OXCT1: variants seen among roughly 807,000 people sequenced by gnomAD.
The protein encoded by OXCT1 is 3-oxoacid CoA-transferase 1.
In OXCT1, 27 loss-of-function variants were observed where a neutral mutation model predicts 69.6. That is an observed-to-expected ratio of 0.39 (90% CI 0.29 to 0.54). The LOEUF (loss-of-function observed/expected upper bound fraction) is 0.54, where lower values mean the gene tolerates loss of function less well. OXCT1 is among the 20% of genes least tolerant of loss of function. The probability of loss-of-function intolerance (pLI) is 0.72; values close to 1 mark genes in which losing one functional copy is unlikely to be tolerated. For synonymous variants in OXCT1, 202 were observed against 217.8 expected (o/e 0.93, Z 0.64); for missense variants, 437 against 650.2 (o/e 0.67, Z 3.57).
intron 15 of OXCT1, among the ~76,000 whole-genome samples, chr5:41,745,863 C>A (rs1319487971): frequency 6.6e-6 from 1 of 152,128 alleles, no homozygotes; most frequent in Non-Finnish European, 1.5e-5. Context: ...GAAGTTGAAT[C>A]TCTGAATAGA....
At chr5:41,868,458 T>C (rs1253816000) in intron 1 of OXCT1, among the ~76,000 whole-genome samples, 1 of 152,174 alleles carries the variant, frequency 6.6e-6, no homozygotes, top group Non-Finnish European at 1.5e-5. Context: ...TGCTAAACAA[T>C]AAGGGCTGTA....
intron 7 of OXCT1, among the ~76,000 whole-genome samples, chr5:41,814,200 T>G (rs1177286950): frequency 6.6e-6 from 1 of 151,906 alleles, no homozygotes; most frequent in Non-Finnish European, 1.5e-5. Flanking sequence ...CCAGAAAGAA[T>G]AGCTAATTCA....
At chr5:41,848,523 A>C (rs1377995106) in intron 5 of OXCT1, among the ~76,000 whole-genome samples, 1 of 145,296 alleles carries the variant, frequency 6.9e-6, no homozygotes, top group Admixed American at 6.9e-5. Context: ...ACACTACCTG[A>C]CTTCAAACTA....
At chr5:41,844,754 C>T (rs1184286829) in intron 5 of OXCT1, among the ~76,000 whole-genome samples, 1 of 151,906 alleles carries the variant, frequency 6.6e-6, no homozygotes. Context: ...GTATGCTTGA[C>T]TCCTCTTACA....
At chr5:41,757,053 A>C (rs1744111442) in intron 14 of OXCT1, among the ~76,000 whole-genome samples, 1 of 151,952 alleles carries the variant, frequency 6.6e-6, no homozygotes, top group Non-Finnish European at 1.5e-5. Flanking sequence ...TCTAAGTGAG[A>C]TGGGAAGTCA....
intron 7 of OXCT1, among the ~76,000 whole-genome samples, chr5:41,819,959 C>T: frequency 6.6e-6 from 1 of 152,044 alleles, no homozygotes. Flanking sequence ...TATCCTGGGT[C>T]AAGCAGCCAG....
At chr5:41,812,398 T>C (rs1464740251) in intron 7 of OXCT1, among the ~76,000 whole-genome samples, 2 of 152,002 alleles carry the variant, frequency 1.3e-5, no homozygotes, top group East Asian at 1.9e-4. Context: ...AAAAGGGTTA[T>C]ATTGATGAGG....
At chr5:41,749,970 C>T (rs191547916) in intron 14 of OXCT1, among the ~76,000 whole-genome samples, 10 of 152,060 alleles carry the variant, frequency 6.6e-5, no homozygotes, top group East Asian at 3.9e-4. Flanking sequence ...CAGATATCTG[C>T]GCAGGATGCA....
At chr5:41,740,668 CAGAT>C (rs1358308056) in intron 15 of OXCT1, among the ~76,000 whole-genome samples, 3 of 152,204 alleles carry the variant, frequency 2.0e-5, no homozygotes, top group Non-Finnish European at 2.9e-5. Flanking sequence ...ACATTCTTCT[CAGAT>C]AGTCAATGAG....
chr5:41,773,353 T>G (rs1744964624), intron 13 of OXCT1, among the ~76,000 whole-genome samples: 1 of 147,662 alleles, frequency 6.8e-6, no homozygotes, highest in East Asian at 2.0e-4. Flanking sequence ...GGCAGGCAGA[T>G]CACTGAAGCC....
chr5:41,753,296 C>G (rs1743895075), intron 14 of OXCT1, among the ~76,000 whole-genome samples: 1 of 122,842 alleles, frequency 8.1e-6, no homozygotes, highest in South Asian at 3.0e-4. Flanking sequence ...CACATAGACA[C>G]ACACACACAC....
chr5:41,763,180 T>C (rs186335940), intron 13 of OXCT1, among the ~76,000 whole-genome samples: 33 of 152,216 alleles, frequency 2.2e-4, no homozygotes, highest in African/African-American at 6.3e-4. Context: ...TCCATGATTT[T>C]GGAGACATTT....
Position 41,762,857 on chromosome 5 carries a change from T to G in OXCT1, c.1249-657A>C, listed in dbSNP as rs1156263442. 4.6e-5 allele frequency among the ~76,000 whole-genome samples: 7 copies of G among 152,160 alleles called. No homozygotes were observed. The highest frequency in any genetic ancestry group is 1.7e-4 in the African/African-American group (7 of 41,454). On this transcript the variant is annotated intron_variant, in intron 13 of 16. Transcript: ENST00000196371. The surrounding 1 kb of genome is among the most constrained non-coding windows in gnomAD (Gnocchi z 4.0). Reference sequence around the variant, plus strand: ...ATCATCTGGCCATCCCTTCATTCATTATACTTTTACCAACCACCTTCTATG... The same window carrying G: ...ATCATCTGGCCATCCCTTCATTCATGATACTTTTACCAACCACCTTCTATG...
At chr5:41,818,909 A>G (rs1452897481) in intron 7 of OXCT1, among the ~76,000 whole-genome samples, 1 of 150,732 alleles carries the variant, frequency 6.6e-6, no homozygotes, top group Non-Finnish European at 1.5e-5. Flanking sequence ...AAAGATTTGA[A>G]AAGTGACTCG....
At chr5:41,799,471 T>C (rs1362081075) in intron 11 of OXCT1, among the ~76,000 whole-genome samples, 1 of 152,176 alleles carries the variant, frequency 6.6e-6, no homozygotes, top group East Asian at 1.9e-4. Flanking sequence ...AAATATAAAA[T>C]TGGTGGAAAT....
chr5:41,852,759 C>T (rs1749239109), intron 4 of OXCT1, among the ~76,000 whole-genome samples: 1 of 152,154 alleles, frequency 6.6e-6, no homozygotes, highest in Admixed American at 6.5e-5. Flanking sequence ...CCAGATCACC[C>T]ATAAATTTCT....
At chr5:41,815,493 T>C (rs1038570981) in intron 7 of OXCT1, among the ~76,000 whole-genome samples, 5 of 152,138 alleles carry the variant, frequency 3.3e-5, no homozygotes, top group Admixed American at 1.3e-4. Context: ...ACATTTTTTG[T>C]TTGCCCAGAA....
intron 1 of OXCT1, among the ~76,000 whole-genome samples, chr5:41,863,614 A>G (rs1157999331): frequency 6.6e-6 from 1 of 152,174 alleles, no homozygotes; most frequent in African/African-American, 2.4e-5. Flanking sequence ...GATGTCTTCT[A>G]TTACATAAGG....
chr5:41,823,659 GGGT>G (rs1190267031), intron 7 of OXCT1, among the ~76,000 whole-genome samples: 1 of 152,178 alleles, frequency 6.6e-6, no homozygotes, highest in African/African-American at 2.4e-5. Context: ...TTGTGAGAAT[GGGT>G]GTGGCAACTT....
Sources: gnomAD v4.1 joint callset for allele counts (sites outside exome capture counted in the v4.1 genomes callset) on GRCh38, gnomAD v4.1.1 for gene constraint, Gnocchi (gnomAD v3.1) non-coding constraint, MANE v1.5 for transcripts, NCBI Gene and HGNC (gene_info 2026-07-23, HGNC 2026-07-21) for gene names.